VEPH1: variants seen among roughly 807,000 people sequenced by gnomAD.
The protein encoded by VEPH1 is ventricular zone expressed PH domain containing 1.
Under a neutral mutation model 85.2 loss-of-function variants are expected in VEPH1, and 80 were observed. The observed-to-expected ratio is 0.94, with a 90% CI of 0.78 to 1.13. VEPH1 has a LOEUF of 1.13. VEPH1 is among the 50% of genes most tolerant of loss of function. The pLI is 0.00. For synonymous variants in VEPH1, 297 were observed against 348.0 expected, an observed-to-expected ratio of 0.85 and a Z score of 1.63; for missense variants, 955 against 980.5, an observed-to-expected ratio of 0.97 and a Z score of 0.35.
chr3:157,273,921 G>C (rs1345757209), intron 12 of VEPH1, among the ~76,000 whole-genome samples: 1 of 152,172 alleles, frequency 6.6e-6, no homozygotes, highest in Non-Finnish European at 1.5e-5. Context: ...GATCACATGA[G>C]ACTGTACCAA....
At chr3:157,264,444 C>T (rs887627469) in intron 13 of VEPH1, among the ~76,000 whole-genome samples, 4 of 152,146 alleles carry the variant, frequency 2.6e-5, no homozygotes, top group Non-Finnish European at 5.9e-5. Flanking sequence ...TAGTAAATCT[C>T]GTATATGTCT....
intron 2 of VEPH1, among the ~76,000 whole-genome samples, chr3:157,476,568 A>T (rs1246075775): frequency 6.6e-6 from 1 of 152,214 alleles, no homozygotes; most frequent in African/African-American, 2.4e-5. Context: ...TCAATGGAGC[A>T]GGCTTGCAAA....
chr3:157,304,038 T>TATATATATATATACACACACACACAC lies in VEPH1; in HGVS notation c.2010+9582_2010+9583insGTGTGTGTGTGTGTATATATATATAT. 1.5e-3 allele frequency among the ~76,000 whole-genome samples: 142 copies of TATATATATATATACACACACACACAC among 96,902 alleles called. 3 individuals carry two copies. Among genetic ancestry groups the TATATATATATATACACACACACACAC allele is most frequent in the Non-Finnish European group, 2.3e-3 (95 of 42,070 alleles). The allele number at this position is 96,902 out of a possible 152,430, so 63.6% of individuals were successfully genotyped here. ...CTTATATTTTTTATATATATATATA[T>TATATATATATATACACACACACACAC]ACACACATACTGTTACATCTTATAT... On this transcript the variant is annotated intron_variant, in intron 11 of 13. Transcript: ENST00000362010.
chr3:157,500,665 G>T (rs1740029901), intron 1 of VEPH1, among the ~76,000 whole-genome samples: 1 of 152,060 alleles, frequency 6.6e-6, no homozygotes. Flanking sequence ...AGATGATATT[G>T]CTTTAGCCTT....
At chr3:157,325,357 G>A (rs1039190291) in intron 9 of VEPH1, among the ~76,000 whole-genome samples, 13 of 152,130 alleles carry the variant, frequency 8.5e-5, no homozygotes, top group African/African-American at 3.1e-4. Context: ...GATCTCATTT[G>A]TGAATTTTTG....
intron 12 of VEPH1, 128 bp from the exon 13 acceptor site, chr3:157,265,790 T>C: frequency 1.0e-6 from 1 of 963,490 alleles, no homozygotes; most frequent in Non-Finnish European, 1.5e-6. Flanking sequence ...TAATAAATGA[T>C]GAATTTGGTT....
intron 1 of VEPH1, among the ~76,000 whole-genome samples, chr3:157,498,546 C>A (rs1048448246): frequency 6.6e-5 from 10 of 152,120 alleles, no homozygotes; most frequent in African/African-American, 2.4e-4. Context: ...GAGTAAGTTG[C>A]CAAGTCAGGA....
chr3:157,489,414 G>A (rs1739007214), intron 2 of VEPH1: 1 of 319,488 alleles, frequency 3.1e-6, no homozygotes, highest in South Asian at 2.7e-5. Flanking sequence ...AGAAACTCCA[G>A]TCTACAGCCT....
Position 157,470,531 on chromosome 3 carries a change from T to C in VEPH1, c.139-2A>G. 3 of 1,613,646 alleles carry C rather than the reference T, an allele frequency of 1.9e-6. No individual in the cohort carries two copies. The highest frequency in any genetic ancestry group is 2.5e-6 in the Non-Finnish European group (3 of 1,179,624). On this transcript the variant is annotated splice_acceptor_variant, in intron 2 of 13. Coordinates refer to ENST00000362010, the MANE Select transcript of VEPH1 (RefSeq NM_001167912.2). LOFTEE classifies it high-confidence loss of function. ...GTCATTGTTATTGGTTTGGTAATCCTGTTTGGAAAGAAAATCTTCATGTTA... is the reference window on the plus strand; with the variant it reads ...GTCATTGTTATTGGTTTGGTAATCCCGTTTGGAAAGAAAATCTTCATGTTA...
chr3:157,418,383 C>T (rs538196867), intron 5 of VEPH1, among the ~76,000 whole-genome samples: 1 of 152,232 alleles, frequency 6.6e-6, no homozygotes, highest in East Asian at 1.9e-4. Flanking sequence ...ACCATGTGCA[C>T]CTTGAGGATA....
chr3:157,407,717 G>A (rs989560833), intron 6 of VEPH1, among the ~76,000 whole-genome samples: 1 of 152,132 alleles, frequency 6.6e-6, no homozygotes, highest in Non-Finnish European at 1.5e-5. Context: ...CAGTCTGTTA[G>A]GGTCAAGTTT....
In VEPH1 at chr3:157,330,749, G is replaced by A. The variant is rs1722407479; in HGVS notation, c.1736-13548C>T. ...CAGCCCTCGCCACCTATCAAGAGCAGCAATCTCCTTCCCATGGCAGGTTTT... is the reference window on the plus strand; with the variant it reads ...CAGCCCTCGCCACCTATCAAGAGCAACAATCTCCTTCCCATGGCAGGTTTT... On this transcript the variant is annotated intron_variant, in intron 9 of 13. Transcript: ENST00000362010. 3.3e-5 allele frequency among the ~76,000 whole-genome samples: 5 copies of A among 152,194 alleles called. No homozygotes were observed. In the South Asian group the frequency reaches 1.0e-3, roughly 32 times the overall value.
intron 5 of VEPH1, among the ~76,000 whole-genome samples, chr3:157,420,344 GA>G (rs11310414): frequency 0.029 from 4,353 of 148,520 alleles, 226 homozygotes; most frequent in African/African-American, 0.1. Flanking sequence ...AGTTGAAGGA[GA>G]AAAAAAAAAG....
At chr3:157,307,536 C>G (rs1258588639) in intron 11 of VEPH1, among the ~76,000 whole-genome samples, 1 of 151,616 alleles carries the variant, frequency 6.6e-6, no homozygotes, top group South Asian at 2.1e-4. Context: ...ATTTGTAATC[C>G]CCCTTCTATC....
At chr3:157,320,389 T>C (rs1721225382) in intron 9 of VEPH1, among the ~76,000 whole-genome samples, 1 of 152,180 alleles carries the variant, frequency 6.6e-6, no homozygotes, top group African/African-American at 2.4e-5. Context: ...ATTTTGAACT[T>C]AAAGTGTGAG....
At chr3:157,272,483 G>T (rs1339460407) in intron 12 of VEPH1, among the ~76,000 whole-genome samples, 4 of 116,668 alleles carry the variant, frequency 3.4e-5, no homozygotes, top group Admixed American at 2.1e-4. Context: ...TTTTTTTCAG[G>T]GTCTCACTCT....
intron 7 of VEPH1, among the ~76,000 whole-genome samples, chr3:157,367,541 T>G (rs991965834): frequency 2.6e-5 from 4 of 152,228 alleles, no homozygotes; most frequent in African/African-American, 9.6e-5. Flanking sequence ...CTAATCACCC[T>G]TCAAAATTAA....
At position 157,495,526 on chromosome 3, in the gene VEPH1, C is replaced by T; in HGVS notation, c.-157-20G>A. 1 of 1,413,034 alleles carries T rather than the reference C, an allele frequency of 7.1e-7. No homozygotes were observed. Among genetic ancestry groups the T allele is most frequent in the Non-Finnish European group, 9.2e-7 (1 of 1,083,408 alleles). The allele number at this position is 1,413,034 out of a possible 1,614,324, so 87.5% of individuals were successfully genotyped here. ...CACTCTCTGCAAGGGAAACAAATGA[C>T]ACAATGTAGCCACTGGCAGAATGGC... On this transcript the variant is annotated intron_variant, in intron 1 of 13. Transcript: ENST00000362010.
intron 2 of VEPH1, among the ~76,000 whole-genome samples, chr3:157,480,918 T>A (rs996990434): frequency 6.6e-6 from 1 of 152,148 alleles, no homozygotes; most frequent in African/African-American, 2.4e-5. Context: ...CAACTGGGTA[T>A]AAGCTTTCCC....
Sources: gnomAD v4.1 joint callset for allele counts (sites outside exome capture counted in the v4.1 genomes callset) on GRCh38, gnomAD v4.1.1 for gene constraint, MANE v1.5 for transcripts, NCBI Gene and HGNC (gene_info 2026-07-23, HGNC 2026-07-21) for gene names.